The following NUP58 variants were observed in gnomAD, a reference collection of about 807,000 sequenced individuals.
NUP58 encodes the protein nucleoporin 58.
A neutral mutation model predicts 70.1 loss-of-function variants in NUP58; 17 were observed. The observed-to-expected ratio is 0.24, with a 90% CI of 0.17 to 0.36. The LOEUF is 0.36. Ranked by LOEUF, NUP58 falls within the 10% of genes least tolerant of loss-of-function variation. The pLI, the probability that NUP58 is intolerant of heterozygous loss-of-function variation, is 1.00. For missense variants in NUP58, 644 were observed against 701.5 expected, an observed-to-expected ratio of 0.92 and a Z score of 0.93; for synonymous variants, 275 against 257.6, an observed-to-expected ratio of 1.07 and a Z score of -0.65.
chr13:25,312,067 G>C (rs546270866), intron 3 of NUP58, among the ~76,000 whole-genome samples: 1 of 152,284 alleles, frequency 6.6e-6, no homozygotes, highest in South Asian at 2.1e-4. Context: ...AATGATGAAA[G>C]TGGGTGTGTC....
At chr13:25,307,209 G>GTTTTTT (rs1433449217) in intron 1 of NUP58, among the ~76,000 whole-genome samples, 1 of 46,384 alleles carries the variant, frequency 2.2e-5, no homozygotes. Flanking sequence ...ATCTGGTATT[G>GTTTTTT]TATTTTTTTT....
At chr13:25,316,557 TTTCTC>T (rs760575446) in intron 6 of NUP58, among the ~76,000 whole-genome samples, 38 of 152,322 alleles carry the variant, frequency 2.5e-4, no homozygotes, top group African/African-American at 2.4e-4. Flanking sequence ...AAAGTTTAGA[TTTCTC>T]TTTCAGTGAA....
chr13:25,315,494 T>C (rs1273927599), intron 6 of NUP58, 27 bp downstream of exon 6: 1 of 1,496,630 alleles, frequency 6.7e-7, no homozygotes, highest in East Asian at 2.3e-5. Context: ...TAACTTTATG[T>C]TTTAACAGTT....
chr13:25,334,206 T>TTGTC (rs1361962208), intron 13 of NUP58: 2 of 985,280 alleles, frequency 2.0e-6, no homozygotes, highest in East Asian at 2.3e-4. Flanking sequence ...AACTTGACAC[T>TTGTC]TGTCTATAAG....
intron 9 of NUP58, among the ~76,000 whole-genome samples, chr13:25,321,719 C>G (rs2031193570): frequency 6.6e-6 from 1 of 152,132 alleles, no homozygotes. Flanking sequence ...GAGTTCGAGA[C>G]CAGTCTGACC....
chr13:25,332,565 A>G (rs554083538), intron 13 of NUP58: 605 of 985,406 alleles, frequency 6.1e-4, no homozygotes, highest in Admixed American at 2.6e-3. Context: ...TTTAGATTGC[A>G]TTCAAGCTAC....
chr13:25,309,120 T>C (rs1282137299), intron 2 of NUP58, 127 bp from the exon 3 acceptor site: 1 of 685,660 alleles, frequency 1.5e-6, no homozygotes, highest in African/African-American at 1.8e-5. Context: ...TACTATGATA[T>C]GTATTGTTCT....
chr13:25,343,551 C>T (rs2032005809), downstream of NUP58, among the ~76,000 whole-genome samples: 1 of 150,324 alleles, frequency 6.7e-6, no homozygotes. Flanking sequence ...CTCCTGGGTT[C>T]AAGCAGTTCT....
At position 25,326,539 on chromosome 13, in the gene NUP58, C is replaced by T. The variant is rs577303977; in HGVS notation, c.1032-377C>T. Among the ~76,000 whole-genome samples, 24 of 152,244 alleles carry T rather than the reference C, an allele frequency of 1.6e-4. No homozygotes were observed. In the South Asian group the frequency reaches 5.0e-3, roughly 32 times the overall value. ...AAATTTATTTTAACCTTACAGAAAA[C>T]TTCCAAAATAGTAGTACAGAGAATT... is the stretch of plus-strand genomic sequence containing the variant. On this transcript the variant is annotated intron_variant, in intron 10 of 15. Coordinates refer to ENST00000381736, the MANE Select transcript of NUP58 (RefSeq NM_014089.4).
intron 12 of NUP58, among the ~76,000 whole-genome samples, chr13:25,329,242 T>C (rs2031516213): frequency 6.6e-6 from 1 of 152,202 alleles, no homozygotes; most frequent in South Asian, 2.1e-4. Flanking sequence ...TTATACTGAA[T>C]GCCCAGGTAT....
At position 25,340,787 on chromosome 13, in the gene NUP58, G is replaced by A. The variant is rs1488002750; in HGVS notation, c.*653G>A. On this transcript the variant is annotated 3_prime_UTR_variant, in exon 16 of 16. Coordinates refer to ENST00000381736, the MANE Select transcript of NUP58 (RefSeq NM_014089.4). ...ACAAAAATTAGCTGGGCATAGTGGC[G>A]GGTACCTATAATCCCAGCTACTCGG... is the stretch of plus-strand genomic sequence containing the variant. 6.6e-6 allele frequency: 1 copy of A among 151,930 alleles called. No homozygotes were observed. Among genetic ancestry groups the A allele is most frequent in the Admixed American group, 6.6e-5 (1 of 15,246 alleles). The allele number at this position is 151,930 out of a possible 1,614,324, so 9.4% of individuals were successfully genotyped here.
Position 25,316,456 on chromosome 13 carries a change from T to A in NUP58, c.685+989T>A, listed in dbSNP as rs76357902. Reference sequence around the variant, plus strand: ...CTGTGTATCTATATGACTTTTTTTTTAAAAAACTGGACACAGGTTTTATTA... The same window carrying A: ...CTGTGTATCTATATGACTTTTTTTTAAAAAAACTGGACACAGGTTTTATTA... On this transcript the variant is annotated intron_variant, in intron 6 of 15. Transcript: ENST00000381736. Among the ~76,000 whole-genome samples, 29 of 125,226 alleles carry A rather than the reference T, an allele frequency of 2.3e-4. No individual in the cohort carries two copies. In the East Asian group the frequency reaches 5.0e-3, roughly 21 times the overall value. 82.2% of individuals were successfully genotyped at this position (125,226 alleles called of 152,430 possible).
intron 9 of NUP58, among the ~76,000 whole-genome samples, chr13:25,324,312 G>T (rs151071613): frequency 6.6e-6 from 1 of 152,090 alleles, no homozygotes; most frequent in African/African-American, 2.4e-5. Context: ...AATAGAGGTC[G>T]AAAATATAGT....
chr13:25,333,060 T>A (rs948610510), intron 13 of NUP58: 4 of 984,938 alleles, frequency 4.1e-6, no homozygotes, highest in Non-Finnish European at 4.8e-6. Context: ...TAAAAAGTTA[T>A]GTTGTAAGTG....
In NUP58 at chr13:25,313,631, C is replaced by G. The variant is rs757354382; in HGVS notation, c.454C>G (p.Leu152Val). The change falls in exon 5 of 16, where the codon CTA becomes GTA. Residue 152 changes from leucine to valine, a missense_variant. Around this residue, in one of 4 missense-constraint regions of NUP58, gnomAD observed 430 missense variants for 409.2 expected, o/e 1.05. Transcript: ENST00000381736. ...TTTTATAGCATCCACAGGATTTACT[C>G]TAAATAATTTGGGTGGGACAACAGC... Reference protein sequence around the residue: ...STPAASTGFTLNNLGGTTATT... With the variant: ...STPAASTGFTVNNLGGTTATT... The G allele has an allele frequency of 1.3e-6, 2 of 1,519,350 alleles. No homozygotes were observed. Among genetic ancestry groups the G allele is most frequent in the South Asian group, 2.7e-5 (2 of 74,376 alleles). 94.1% of individuals were successfully genotyped at this position (1,519,350 alleles called of 1,614,324 possible). A position where few individuals can be genotyped will look rare whatever the true frequency, so the allele number is the denominator to read the frequency against.
intron 15 of NUP58, among the ~76,000 whole-genome samples, chr13:25,339,224 A>G (rs2031882210): frequency 1.3e-5 from 2 of 152,146 alleles, no homozygotes; most frequent in African/African-American, 4.8e-5. Context: ...AAAAATTCCA[A>G]ATTTCATCTA....
intron 10 of NUP58, among the ~76,000 whole-genome samples, chr13:25,326,082 G>C (rs771083760): frequency 1.3e-5 from 2 of 152,136 alleles, no homozygotes; most frequent in Non-Finnish European, 2.9e-5. Flanking sequence ...AAGTACTTCA[G>C]TGGATATTTC....
rs1321484866 is a variant in NUP58 at position 25,336,967 on chromosome 13, A to T, written c.1467A>T (p.Gly489=). The T allele has an allele frequency of 6.2e-7, 1 of 1,605,798 alleles. No individual in the cohort carries two copies. Residue 489 remains glycine, a synonymous_variant, in exon 14 of 16, where the codon GGA becomes GGT. Transcript: ENST00000381736. ...GPQPSLGVSF[G]TPFGSGIGTG... Reference sequence around the variant, plus strand: ...AGCCATCTCTGGGAGTTAGTTTTGGAACGCCATTCGGCTCAGGTATTGGCA... The same window carrying T: ...AGCCATCTCTGGGAGTTAGTTTTGGTACGCCATTCGGCTCAGGTATTGGCA...
chr13:25,323,120 G>A (rs2137782338), intron 9 of NUP58, among the ~76,000 whole-genome samples: 1 of 152,158 alleles, frequency 6.6e-6, no homozygotes, highest in South Asian at 2.1e-4. Flanking sequence ...AACTCCAAAG[G>A]TACTAAAAGT....
Sources: gnomAD v4.1 joint callset for allele counts (sites outside exome capture counted in the v4.1 genomes callset) on GRCh38, gnomAD v4.1.1 for gene constraint, gnomAD v4.1.1 regional missense constraint, MANE v1.5 for transcripts, NCBI Gene and HGNC (gene_info 2026-07-23, HGNC 2026-07-21) for gene names.